BBS9: variants seen among roughly 807,000 people sequenced by gnomAD.
BBS9 encodes Bardet-Biedl syndrome 9.
In BBS9, 89 loss-of-function variants were observed where a neutral mutation model predicts 117.7. The ratio of observed to expected loss-of-function variants is 0.76; its 90% CI spans 0.64 to 0.90. BBS9 has a LOEUF of 0.90. Ranked by LOEUF, BBS9 falls within the 40% of genes least tolerant of loss-of-function variation. The probability of loss-of-function intolerance (pLI) is 0.00; values close to 1 mark genes in which losing one functional copy is unlikely to be tolerated. For missense variants in BBS9, 982 were observed against 1,042.2 expected, an observed-to-expected ratio of 0.94 and a Z score of 0.80; for synonymous variants, 379 against 370.9, an observed-to-expected ratio of 1.02 and a Z score of -0.25.
intron 19 of BBS9, among the ~76,000 whole-genome samples, chr7:33,490,333 T>A (rs550196643): frequency 6.6e-6 from 1 of 150,784 alleles, no homozygotes; most frequent in Non-Finnish European, 1.5e-5. Context: ...TTCTTTTTCT[T>A]TTTTGTTTTT....
chr7:33,606,915 A>G (rs1255471716), downstream of BBS9, among the ~76,000 whole-genome samples: 1 of 151,942 alleles, frequency 6.6e-6, no homozygotes, highest in Non-Finnish European at 1.5e-5. Flanking sequence ...TGTCTCTCTT[A>G]TATGCCCCTT....
intron 19 of BBS9, among the ~76,000 whole-genome samples, chr7:33,448,158 C>T (rs1410860184): frequency 6.6e-6 from 1 of 152,100 alleles, no homozygotes; most frequent in African/African-American, 2.4e-5. Flanking sequence ...CTCTGCTTGT[C>T]CTGATAGCTG....
Position 33,210,338 on chromosome 7 carries a change from A to G in BBS9, c.442+32747A>G, listed in dbSNP as rs573254062. On this transcript the variant is annotated intron_variant, in intron 5 of 22. Transcript: ENST00000242067. ...TATGGTCTGTCCTTGAGAATGATCC[A>G]TATGCTGAGGAGAAGAATGTATATT... Among the ~76,000 whole-genome samples the G allele has an allele frequency of 2.0e-4, 31 of 152,348 alleles. No individual in the cohort carries two copies. In the South Asian group the frequency reaches 6.4e-3, roughly 32 times the overall value.
chr7:33,505,311 G>A, intron 19 of BBS9, 152 bp from the exon 20 acceptor site: 1 of 814,636 alleles, frequency 1.2e-6, no homozygotes, highest in African/African-American at 1.7e-5. Context: ...GCAGATGAAT[G>A]ATAACTCTTT....
intron 5 of BBS9, among the ~76,000 whole-genome samples, chr7:33,256,094 A>AG (rs1314674733): frequency 6.6e-6 from 1 of 152,190 alleles, no homozygotes; most frequent in African/African-American, 2.4e-5. Flanking sequence ...TGGAGGTTGC[A>AG]GTGAGCTGAG....
At chr7:33,291,551 G>A (rs1804048255) in intron 9 of BBS9, among the ~76,000 whole-genome samples, 1 of 152,072 alleles carries the variant, frequency 6.6e-6, no homozygotes, top group African/African-American at 2.4e-5. Context: ...AAATCCAATT[G>A]TGAGTAGAAG....
intron 21 of BBS9, among the ~76,000 whole-genome samples, chr7:33,548,418 A>G (rs1853771908): frequency 6.6e-6 from 1 of 151,638 alleles, no homozygotes; most frequent in South Asian, 2.1e-4. Flanking sequence ...ACATATGTAT[A>G]CATGTGCCAT....
intron 21 of BBS9, among the ~76,000 whole-genome samples, chr7:33,612,719 C>T (rs138546064): frequency 6.6e-6 from 1 of 152,144 alleles, no homozygotes; most frequent in Non-Finnish European, 1.5e-5. Flanking sequence ...GCCTGATTAT[C>T]CCAGTACCTC....
intron 5 of BBS9, among the ~76,000 whole-genome samples, chr7:33,254,021 CA>C (rs1796635703): frequency 6.6e-6 from 1 of 152,148 alleles, no homozygotes; most frequent in Non-Finnish European, 1.5e-5. Context: ...AGAGCTATAC[CA>C]AACTATATTA....
intron 21 of BBS9, among the ~76,000 whole-genome samples, chr7:33,586,385 A>AT (rs1455596916): frequency 1.3e-5 from 2 of 151,836 alleles, no homozygotes; most frequent in East Asian, 3.9e-4. Flanking sequence ...GAAGTAAAAA[A>AT]AAATAAATAA....
At chr7:33,424,926 T>A (rs995661325) in intron 19 of BBS9, among the ~76,000 whole-genome samples, 7 of 152,206 alleles carry the variant, frequency 4.6e-5, no homozygotes, top group African/African-American at 1.7e-4. Flanking sequence ...TAAAAAAATT[T>A]AAAAAGTTTA....
chr7:33,260,680 T>C (rs1200229685), intron 6 of BBS9, among the ~76,000 whole-genome samples: 2 of 152,236 alleles, frequency 1.3e-5, no homozygotes, highest in Non-Finnish European at 2.9e-5. Flanking sequence ...GTGCCTCTTA[T>C]CCTCAAATAG....
intron 3 of BBS9, among the ~76,000 whole-genome samples, chr7:33,153,394 G>T (rs896489240): frequency 6.6e-6 from 1 of 152,106 alleles, no homozygotes; most frequent in African/African-American, 2.4e-5. Context: ...TTTGAACTTT[G>T]GGTAATATGT....
At chr7:33,561,602 A>G (rs1254194135) in intron 21 of BBS9, among the ~76,000 whole-genome samples, 1 of 152,220 alleles carries the variant, frequency 6.6e-6, no homozygotes, top group East Asian at 1.9e-4. Context: ...TATGCCGTGC[A>G]TCCACCACCT....
At chr7:33,258,432 C>G (rs1797441397) in intron 6 of BBS9, among the ~76,000 whole-genome samples, 1 of 152,138 alleles carries the variant, frequency 6.6e-6, no homozygotes, top group Non-Finnish European at 1.5e-5. Flanking sequence ...GTCAAGGCAT[C>G]TAGGGTTAAA....
At chr7:33,383,605 A>C in intron 17 of BBS9, 61 bp from the exon 18 acceptor site, 1 of 1,419,812 alleles carries the variant, frequency 7.0e-7, no homozygotes, top group Non-Finnish European at 9.8e-7. Context: ...GTGATAGTTC[A>C]TGTAGCTTTA....
intron 19 of BBS9, among the ~76,000 whole-genome samples, chr7:33,454,838 A>T (rs915611544): frequency 2.0e-5 from 3 of 152,170 alleles, no homozygotes; most frequent in Non-Finnish European, 4.4e-5. Flanking sequence ...GTCTCTTTGT[A>T]CATCCCCTTG....
At chr7:33,260,297 C>T (rs890719911) in intron 6 of BBS9, among the ~76,000 whole-genome samples, 6 of 152,154 alleles carry the variant, frequency 3.9e-5, no homozygotes, top group Non-Finnish European at 7.3e-5. Context: ...CCACCACGCC[C>T]GGCCTAGATA....
rs985419912 is a variant in BBS9 at position 33,148,850 on chromosome 7, C to T, written c.112+2486C>T. Among the ~76,000 whole-genome samples the T allele has an allele frequency of 7.2e-5, 11 of 152,120 alleles. No individual in the cohort carries two copies. In the East Asian group the frequency reaches 1.9e-3, roughly 27 times the overall value. ...GTTGCCCAGGCTGGTCTTGAACTTCCTGGGCTCAAGTGATCCTCCTGCCTT... is the reference window on the plus strand; with the variant it reads ...GTTGCCCAGGCTGGTCTTGAACTTCTTGGGCTCAAGTGATCCTCCTGCCTT... On this transcript the variant is annotated intron_variant, in intron 2 of 22. Transcript: ENST00000242067.
Sources: gnomAD v4.1 joint callset for allele counts (sites outside exome capture counted in the v4.1 genomes callset) on GRCh38, gnomAD v4.1.1 for gene constraint, MANE v1.5 for transcripts, NCBI Gene and HGNC (gene_info 2026-07-23, HGNC 2026-07-21) for gene names.